The following BPGM variants were observed in gnomAD, a reference collection of about 807,000 sequenced individuals.
The protein encoded by BPGM is 2,3-bisphosphoglycerate mutase, erythrocyte.
A neutral mutation model predicts 21.6 loss-of-function variants in BPGM; 15 were observed. That is an observed-to-expected ratio of 0.70 (90% CI 0.47 to 1.07). The LOEUF is 1.07. BPGM is among the 50% of genes least tolerant of loss of function. BPGM has a pLI of 0.00. For missense variants in BPGM, 273 were observed against 319.0 expected (o/e 0.86, Z 1.10); for synonymous variants, 113 against 116.2 (o/e 0.97, Z 0.18).
At chr7:134,671,939 C>T (rs1795910818) in intron 2 of BPGM, among the ~76,000 whole-genome samples, 2 of 152,166 alleles carry the variant, frequency 1.3e-5, no homozygotes, top group South Asian at 4.1e-4. Flanking sequence ...AGCATTTGCA[C>T]AAGCACCTCT....
intron 1 of BPGM, among the ~76,000 whole-genome samples, chr7:134,647,780 T>C (rs1795483703): frequency 6.6e-6 from 1 of 152,170 alleles, no homozygotes; most frequent in Non-Finnish European, 1.5e-5. Context: ...GCAGAACTCA[T>C]GTCAATTTGT....
chr7:134,664,351 T>G (rs1470013475), intron 2 of BPGM, among the ~76,000 whole-genome samples: 1 of 152,186 alleles, frequency 6.6e-6, no homozygotes, highest in Non-Finnish European at 1.5e-5. Flanking sequence ...CTTCGGTGTT[T>G]GTCGGCAATC....
chr7:134,674,500 G>A (rs1795957735), intron 2 of BPGM, among the ~76,000 whole-genome samples: 1 of 152,126 alleles, frequency 6.6e-6, no homozygotes, highest in South Asian at 2.1e-4. Flanking sequence ...ATGGACTTAT[G>A]CAGTAAGTGG....
chr7:134,679,154 T>C lies in BPGM; in HGVS notation c.*123T>C. On this transcript the variant is annotated 3_prime_UTR_variant, in exon 3 of 3. Transcript: ENST00000344924. ...GCTAGGCTGTGGAGTAGAGTTTGTA[T>C]AGGTAACTAGGTAACTTATTGTGGC... The C allele has an allele frequency of 1.9e-6, 2 of 1,033,476 alleles. No homozygotes were observed. The highest frequency in any genetic ancestry group is 2.8e-6 in the Non-Finnish European group (2 of 704,780). 64.0% of individuals were successfully genotyped at this position (1,033,476 alleles called of 1,614,324 possible). A position where few individuals can be genotyped will look rare whatever the true frequency, so the allele number is the denominator to read the frequency against.
At chr7:134,655,189 G>C (rs1032905009) in intron 1 of BPGM, among the ~76,000 whole-genome samples, 2 of 152,192 alleles carry the variant, frequency 1.3e-5, no homozygotes, top group African/African-American at 4.8e-5. Flanking sequence ...GGTTGAAAAG[G>C]AATAGTTTTT....
chr7:134,648,437 CT>C (rs937364854), intron 1 of BPGM, among the ~76,000 whole-genome samples: 1 of 151,288 alleles, frequency 6.6e-6, no homozygotes, highest in Non-Finnish European at 1.5e-5. Flanking sequence ...GCCCGGCCTT[CT>C]TTTTTTTTGA....
chr7:134,670,169 G>C (rs574907784), intron 2 of BPGM, among the ~76,000 whole-genome samples: 2 of 152,172 alleles, frequency 1.3e-5, no homozygotes, highest in Non-Finnish European at 2.9e-5. Flanking sequence ...TTTCAAGTTT[G>C]GAGTAAGAGT....
intron 2 of BPGM, among the ~76,000 whole-genome samples, chr7:134,671,523 G>A (rs1310101862): frequency 6.6e-5 from 10 of 151,770 alleles, no homozygotes; most frequent in Admixed American, 3.9e-4. Context: ...CACCACGCCC[G>A]GCTAATTTTG....
intron 2 of BPGM, among the ~76,000 whole-genome samples, chr7:134,663,892 A>C (rs898975537): frequency 1.3e-5 from 2 of 152,160 alleles, no homozygotes; most frequent in Non-Finnish European, 2.9e-5. Flanking sequence ...TGATGATTTA[A>C]CTATTTTTTA....
Position 134,661,684 on chromosome 7 carries a change from C to G in BPGM, c.177C>G (p.Val59=). ...NFEFDLVFTS[V]LNRSIHTAWL... is the part of the protein sequence containing the mutation. ...AGTTTGATCTTGTATTCACATCTGT[C>G]CTTAATCGGTCCATTCACACAGCCT... Residue 59 remains valine, a synonymous_variant, in exon 2 of 3, where the codon GTC becomes GTG. Transcript: ENST00000344924. This position sits in a 1 kb window ranked among gnomAD's most constrained non-coding sequence, Gnocchi z 4.6. The G allele has an allele frequency of 6.2e-7, 1 of 1,614,124 alleles. No individual in the cohort carries two copies. Among genetic ancestry groups the G allele is most frequent in the Non-Finnish European group, 8.5e-7 (1 of 1,180,022 alleles).
At chr7:134,654,041 C>T (rs1279324804) in intron 1 of BPGM, among the ~76,000 whole-genome samples, 3 of 152,068 alleles carry the variant, frequency 2.0e-5, no homozygotes, top group Admixed American at 2.0e-4. Context: ...GTCCACGAAG[C>T]CTTACTCAGA....
At chr7:134,650,241 A>G (rs1249049648) in intron 1 of BPGM, among the ~76,000 whole-genome samples, 1 of 152,224 alleles carries the variant, frequency 6.6e-6, no homozygotes, top group Non-Finnish European at 1.5e-5. Context: ...GGGGTCCGTC[A>G]TGAGTGGGTG....
In BPGM at chr7:134,661,747, T is replaced by C; in HGVS notation, c.240T>C (p.Pro80=). 1 of 1,614,122 alleles carries C rather than the reference T, an allele frequency of 6.2e-7. No individual in the cohort carries two copies. The highest frequency in any genetic ancestry group is 8.5e-7 in the Non-Finnish European group (1 of 1,180,016). The change falls in exon 2 of 3, where the codon CCT becomes CCC. Residue 80 remains proline (P), a synonymous_variant. Coordinates refer to ENST00000344924, the MANE Select transcript of BPGM (RefSeq NM_001724.5). The surrounding 1 kb of genome is among the most constrained non-coding windows in gnomAD (Gnocchi z 4.6). Reference sequence around the variant, plus strand: ...AAGAGCTAGGCCAGGAATGGGTGCCTGTGGAAAGCTCCTGGCGTCTAAATG... The same window carrying C: ...AAGAGCTAGGCCAGGAATGGGTGCCCGTGGAAAGCTCCTGGCGTCTAAATG... ...ILEELGQEWV[P]VESSWRLNER...
intron 1 of BPGM, among the ~76,000 whole-genome samples, chr7:134,647,954 C>T (rs554194844): frequency 1.3e-5 from 2 of 151,910 alleles, no homozygotes; most frequent in Middle Eastern, 3.4e-3. Flanking sequence ...TAGGCCACCA[C>T]GCCTGGCTGA....
At chr7:134,677,259 C>A (rs1795996690) in intron 2 of BPGM, among the ~76,000 whole-genome samples, 1 of 152,010 alleles carries the variant, frequency 6.6e-6, no homozygotes, top group Non-Finnish European at 1.5e-5. Context: ...TCTTTTCTTT[C>A]TTTCTTTCTT....
intron 2 of BPGM, 42 bp from the exon 3 acceptor site, chr7:134,678,811 G>A: frequency 6.4e-7 from 1 of 1,567,244 alleles, no homozygotes; most frequent in Non-Finnish European, 8.8e-7. Context: ...TTCCTCCTGA[G>A]TTGTGTTTTA....
At position 134,646,867 on chromosome 7, in the gene BPGM, G is replaced by A. The variant is rs1795466984; in HGVS notation, c.-132G>A. 5.4e-6 allele frequency: 1 copy of A among 184,896 alleles called. No individual in the cohort carries two copies. The highest frequency in any genetic ancestry group is 1.2e-5 in the Non-Finnish European group (1 of 85,830). The allele number at this position is 184,896 out of a possible 1,614,324, so 11.5% of individuals were successfully genotyped here. A position where few individuals can be genotyped will look rare whatever the true frequency, so the allele number is the denominator to read the frequency against. ...CCGGCGGCAGTGATGAGTCCTAGGA[G>A]GCGCTGGCTCTTTGGCGGCTCGGAG... On this transcript the variant is annotated 5_prime_UTR_variant, in exon 1 of 3. Coordinates refer to ENST00000344924, the MANE Select transcript of BPGM (RefSeq NM_001724.5).
chr7:134,678,580 T>A (rs950552300), intron 2 of BPGM, among the ~76,000 whole-genome samples: 1 of 152,204 alleles, frequency 6.6e-6, no homozygotes, highest in African/African-American at 2.4e-5. Context: ...GAGAAAATAA[T>A]TTTCCTTCCT....
At position 134,661,654 on chromosome 7, in the gene BPGM, CTT is replaced by C. The variant is rs764403259; in HGVS notation, c.149_150del (p.Phe50Ter). 1 of 1,614,130 alleles carries C rather than the reference CTT, an allele frequency of 6.2e-7. No homozygotes were observed. The highest frequency in any genetic ancestry group is 1.3e-5 in the African/African-American group (1 of 75,030). ...NCGKQLKALN[F>X]EFDLVFTSVL... is the part of the protein sequence containing the mutation. ...GTGGGAAGCAACTCAAAGCGTTAAACTTTGAGTTTGATCTTGTATTCACATCT... is the reference window on the plus strand; with the variant it reads ...GTGGGAAGCAACTCAAAGCGTTAAACTGAGTTTGATCTTGTATTCACATCT... On this transcript the variant is annotated frameshift_variant, in exon 2 of 3. Coordinates refer to ENST00000344924, the MANE Select transcript of BPGM (RefSeq NM_001724.5). LOFTEE classifies it high-confidence loss of function. The surrounding 1 kb of genome is among the most constrained non-coding windows in gnomAD (Gnocchi z 4.6).
Sources: gnomAD v4.1 joint callset for allele counts (sites outside exome capture counted in the v4.1 genomes callset) on GRCh38, gnomAD v4.1.1 for gene constraint, Gnocchi (gnomAD v3.1) non-coding constraint, MANE v1.5 for transcripts, NCBI Gene and HGNC (gene_info 2026-07-23, HGNC 2026-07-21) for gene names.